Variants in WDR49 observed in about 807,000 individuals in gnomAD.
WDR49 encodes cilia- and flagella-associated protein 337.
In WDR49, 107 loss-of-function variants were observed where a neutral mutation model predicts 119.5. That is an observed-to-expected ratio of 0.90 (90% CI 0.77 to 1.05). The LOEUF (loss-of-function observed/expected upper bound fraction) is 1.05, where lower values mean the gene tolerates loss of function less well. Ranked by LOEUF, WDR49 falls within the 50% of genes least tolerant of loss-of-function variation. The pLI is 0.00. For synonymous variants in WDR49, 425 were observed against 418.8 expected, an observed-to-expected ratio of 1.01 and a Z score of -0.18; for missense variants, 1,240 against 1,220.5, an observed-to-expected ratio of 1.02 and a Z score of -0.24.
intron 13 of WDR49, 73 bp downstream of exon 13, chr3:167,531,042 C>T (rs999408505): frequency 2.0e-6 from 3 of 1,481,894 alleles, no homozygotes; most frequent in Non-Finnish European, 2.7e-6. Context: ...TCTACAAGAT[C>T]TAGTAGAAAT....
intron 12 of WDR49, among the ~76,000 whole-genome samples, chr3:167,532,260 A>G (rs1194742187): frequency 6.6e-6 from 1 of 152,196 alleles, no homozygotes; most frequent in East Asian, 1.9e-4. Flanking sequence ...GAAGAATGAC[A>G]TTTTCATTAC....
At chr3:167,586,001 G>C (rs1410494933) in intron 7 of WDR49, among the ~76,000 whole-genome samples, 1 of 152,092 alleles carries the variant, frequency 6.6e-6, no homozygotes, top group Admixed American at 6.6e-5. Flanking sequence ...GATGGAAGTC[G>C]GGATGGGGAA....
At chr3:167,484,559 C>T (rs1750851604) in intron 18 of WDR49, among the ~76,000 whole-genome samples, 1 of 152,052 alleles carries the variant, frequency 6.6e-6, no homozygotes, top group Non-Finnish European at 1.5e-5. Flanking sequence ...TGAACTTGCT[C>T]ACTCAGCCCA....
At chr3:167,491,970 T>A (rs1553859182) in intron 18 of WDR49, among the ~76,000 whole-genome samples, 1 of 152,140 alleles carries the variant, frequency 6.6e-6, no homozygotes, top group Non-Finnish European at 1.5e-5. Context: ...AGTTCCAAAG[T>A]GAGAGTTTAG....
chr3:167,554,813 T>C lies in WDR49; in HGVS notation c.1675-15A>G, dbSNP rs1350915858. On this transcript the variant is annotated splice_polypyrimidine_tract_variant and intron_variant, in intron 9 of 18. Transcript: ENST00000682715. ...AAGTCCCATATCTTTAAGAGAAAAA[T>C]TAAAACCACTTTGAGACAGGAAGGT... is the stretch of plus-strand genomic sequence containing the variant. 6.3e-7 allele frequency: 1 copy of C among 1,574,924 alleles called. No individual in the cohort carries two copies. The highest frequency in any genetic ancestry group is 8.6e-7 in the Non-Finnish European group (1 of 1,156,930).
In WDR49 at chr3:167,537,012, G is replaced by T; in HGVS notation, c.1824-12C>A. ...ACACAGTAATAGCCCTAGCAAAAAG[G>T]ATATAGAATTTAGCTGTGGATCTAA... On this transcript the variant is annotated splice_polypyrimidine_tract_variant and intron_variant, in intron 10 of 18. Transcript: ENST00000682715. 1 of 1,564,586 alleles carries T rather than the reference G, an allele frequency of 6.4e-7. No homozygotes were observed. Among genetic ancestry groups the T allele is most frequent in the South Asian group, 1.2e-5 (1 of 82,050 alleles).
At chr3:167,603,935 A>T (rs1170963012) in intron 6 of WDR49, among the ~76,000 whole-genome samples, 1 of 152,062 alleles carries the variant, frequency 6.6e-6, no homozygotes, top group African/African-American at 2.4e-5. Flanking sequence ...TAGCTGTAGT[A>T]GTAGCAACGA....
chr3:167,622,847 A>G (rs190502942), intron 3 of WDR49, among the ~76,000 whole-genome samples: 23 of 152,258 alleles, frequency 1.5e-4, no homozygotes, highest in Admixed American at 1.3e-4. Context: ...AATTTAAAAG[A>G]TTTGAAATTA....
chr3:167,579,803 C>A (rs1018971595), intron 7 of WDR49, among the ~76,000 whole-genome samples: 2 of 152,052 alleles, frequency 1.3e-5, no homozygotes, highest in African/African-American at 2.4e-5. Flanking sequence ...TTAGACACAT[C>A]TAGATCATTC....
intron 8 of WDR49, among the ~76,000 whole-genome samples, chr3:167,561,429 G>A (rs1206587681): frequency 6.6e-6 from 1 of 152,072 alleles, no homozygotes; most frequent in African/African-American, 2.4e-5. Context: ...TCTTTAAAGA[G>A]CATCACAGGT....
intron 2 of WDR49, among the ~76,000 whole-genome samples, chr3:167,643,995 G>A (rs769424090): frequency 8.6e-5 from 13 of 150,672 alleles, no homozygotes; most frequent in Non-Finnish European, 1.3e-4. Flanking sequence ...AGATCATGTT[G>A]GACAATGTTC....
Position 167,495,571 on chromosome 3 carries a change from C to G in WDR49, c.3031+4582G>C, listed in dbSNP as rs115240271. ...TTTGTGATATAATTAAACAGTCTAACATATGTGTAATTGCTATTCCATAAC... is the reference window on the plus strand; with the variant it reads ...TTTGTGATATAATTAAACAGTCTAAGATATGTGTAATTGCTATTCCATAAC... On this transcript the variant is annotated intron_variant, in intron 18 of 18. Coordinates refer to ENST00000682715, the MANE Select transcript of WDR49 (RefSeq NM_001366157.1). Among the ~76,000 whole-genome samples the G allele has an allele frequency of 2.5e-3, 387 of 151,958 alleles. 2 individuals are homozygous for G. The highest frequency in any genetic ancestry group is 9.0e-3 in the African/African-American group (372 of 41,490).
intron 8 of WDR49, among the ~76,000 whole-genome samples, chr3:167,573,242 G>T (rs1022184938): frequency 1.3e-5 from 2 of 152,084 alleles, no homozygotes; most frequent in African/African-American, 4.8e-5. Flanking sequence ...ATTTTAAGAA[G>T]CTGGCAAACT....
At chr3:167,535,885 T>C (rs1268749880) in intron 11 of WDR49, among the ~76,000 whole-genome samples, 1 of 152,190 alleles carries the variant, frequency 6.6e-6, no homozygotes, top group Non-Finnish European at 1.5e-5. Flanking sequence ...ATATACACAC[T>C]GGAATAGTAT....
intron 16 of WDR49, among the ~76,000 whole-genome samples, chr3:167,516,745 A>C (rs1373120348): frequency 6.6e-6 from 1 of 152,218 alleles, no homozygotes; most frequent in African/African-American, 2.4e-5. Flanking sequence ...GACCTTCTGC[A>C]CAGCAAAAGA....
chr3:167,625,519 T>A lies in WDR49; in HGVS notation c.606+1333A>T, dbSNP rs79792980. On this transcript the variant is annotated intron_variant, in intron 3 of 18. Transcript: ENST00000682715. ...GTATTCTGCCCTTAATTTGTACCAC[T>A]TGATAACTGAAAAATTAATGGGTTT... 8.5e-3 allele frequency among the ~76,000 whole-genome samples: 1,287 copies of A among 152,176 alleles called. 17 individuals carry two copies. The highest frequency in any genetic ancestry group is 0.026 in the African/African-American group (1,089 of 41,542).
intron 16 of WDR49, among the ~76,000 whole-genome samples, chr3:167,518,203 T>C (rs1482473162): frequency 3.9e-5 from 6 of 151,908 alleles, no homozygotes; most frequent in African/African-American, 1.5e-4. Context: ...TACGTGTGCA[T>C]GTGTCTTTAT....
intron 18 of WDR49, among the ~76,000 whole-genome samples, chr3:167,493,403 T>C (rs1319365299): frequency 5.3e-5 from 8 of 152,162 alleles, no homozygotes; most frequent in Non-Finnish European, 1.2e-4. Context: ...TACCCTCTTA[T>C]TGGTTCTGCA....
intron 8 of WDR49, among the ~76,000 whole-genome samples, chr3:167,569,292 T>C (rs1713792747): frequency 6.6e-6 from 1 of 152,184 alleles, no homozygotes; most frequent in Non-Finnish European, 1.5e-5. Flanking sequence ...TATCTTTTTG[T>C]TTACATTTCT....
Sources: gnomAD v4.1 joint callset for allele counts (sites outside exome capture counted in the v4.1 genomes callset) on GRCh38, gnomAD v4.1.1 for gene constraint, MANE v1.5 for transcripts, NCBI Gene and HGNC (gene_info 2026-07-23, HGNC 2026-07-21) for gene names.